ZNF318: variants seen among roughly 807,000 people sequenced by gnomAD.
ZNF318 encodes zinc finger protein 318.
Under a neutral mutation model 124.2 loss-of-function variants are expected in ZNF318, and 51 were observed. The ratio of observed to expected loss-of-function variants is 0.41; its 90% CI spans 0.33 to 0.52. ZNF318 has a LOEUF of 0.52. Ranked by LOEUF, ZNF318 falls within the 20% of genes least tolerant of loss-of-function variation. The pLI is 0.23. For missense variants in ZNF318, 2,815 were observed against 2,811.2 expected (o/e 1.00, Z -0.03); for synonymous variants, 1,090 against 1,040.7 (o/e 1.05, Z -0.91).
At chr6:43,347,748 A>T (rs1779466171) in intron 6 of ZNF318, among the ~76,000 whole-genome samples, 1 of 152,164 alleles carries the variant, frequency 6.6e-6, no homozygotes, top group African/African-American at 2.4e-5. Flanking sequence ...GACTGGATGA[A>T]ATGGCCTAGG....
At chr6:43,346,572 G>GT (rs1779450096) in intron 6 of ZNF318, among the ~76,000 whole-genome samples, 3 of 146,432 alleles carry the variant, frequency 2.0e-5, no homozygotes, top group South Asian at 2.1e-4. Flanking sequence ...GGAGACAGAC[G>GT]TAAGAAGAGT....
intron 4 of ZNF318, among the ~76,000 whole-genome samples, chr6:43,353,285 TAAGAG>T (rs1430402022): frequency 6.6e-6 from 1 of 152,066 alleles, no homozygotes; most frequent in Non-Finnish European, 1.5e-5. Flanking sequence ...AATAGAAACT[TAAGAG>T]AAGTGTTTTT....
Position 43,369,422 on chromosome 6 carries a change from G to A in ZNF318, c.-57C>T, listed in dbSNP as rs936951039. ...CTGACCCGGGGGCGCCCTAGACGCA[G>A]GCTCGGAGCGCGCCGCCGCAGCTGC... On this transcript the variant is annotated 5_prime_UTR_variant, in exon 1 of 10. Transcript: ENST00000361428. 7.8e-6 allele frequency: 9 copies of A among 1,150,396 alleles called. No individual in the cohort carries two copies. Among genetic ancestry groups the A allele is most frequent in the South Asian group, 4.2e-5 (1 of 24,042 alleles). The allele number at this position is 1,150,396 out of a possible 1,614,324, so 71.3% of individuals were successfully genotyped here.
rs531679558 is a variant in ZNF318 at position 43,337,206 on chromosome 6, A to G, written c.6792T>C (p.Thr2264=). ...TGTGGTCCTGGATGGCACCAACTGT[A>G]GTTTCCTGTTCAGGCATTCCCTGAG... ...MVPQGMPEQE[T]TVGAIQDHTE... is the part of the protein sequence containing the mutation. Residue 2264 remains threonine (T), a synonymous_variant, in exon 10 of 10, where the codon ACT becomes ACC. Coordinates refer to ENST00000361428, the MANE Select transcript of ZNF318 (RefSeq NM_014345.3). 5.6e-6 allele frequency: 9 copies of G among 1,613,492 alleles called. No individual in the cohort carries two copies. In the South Asian group the frequency reaches 9.9e-5, roughly 18 times the overall value.
rs780830118 is a variant in ZNF318 at position 43,354,963 on chromosome 6, AG to A, written c.2370del (p.Tyr791IlefsTer31). On this transcript the variant is annotated frameshift_variant, in exon 4 of 10. Coordinates refer to ENST00000361428, the MANE Select transcript of ZNF318 (RefSeq NM_014345.3). LOFTEE classifies it high-confidence loss of function. ...GCTGCATATGCCATGTAGTGCCTAT[AG>A]GCATCAAAAGAGGCAGGGGGAATGG... ...GPAIPPASFDAYRHYMAYAAS... is the reference protein window; with the variant it reads ...GPAIPPASFDXYRHYMAYAAS... The A allele has an allele frequency of 6.2e-7, 1 of 1,609,910 alleles. No homozygotes were observed. The highest frequency in any genetic ancestry group is 1.3e-5 in the African/African-American group (1 of 74,938).
intron 5 of ZNF318, among the ~76,000 whole-genome samples, chr6:43,350,735 G>C (rs1011524156): frequency 6.6e-6 from 1 of 151,972 alleles, no homozygotes; most frequent in Admixed American, 6.6e-5. Context: ...ACCTGAGCCA[G>C]GAAGCGAGGC....
chr6:43,364,027 G>A (rs951222981), intron 2 of ZNF318: 34 of 783,504 alleles, frequency 4.3e-5, no homozygotes, highest in South Asian at 1.7e-4. Flanking sequence ...CACTGGCATC[G>A]TCTCAGCCCG....
At chr6:43,362,462 TAAATAA>T (rs763535862) in intron 2 of ZNF318, among the ~76,000 whole-genome samples, 2 of 132,424 alleles carry the variant, frequency 1.5e-5, no homozygotes, top group Non-Finnish European at 3.3e-5. Flanking sequence ...AAAAAATAAA[TAAATAA>T]AAATAAAAAA....
rs1779801797 is a variant in ZNF318 at position 43,369,171 on chromosome 6, G to C, written c.195C>G (p.Gly65=). 1.7e-6 allele frequency: 2 copies of C among 1,208,714 alleles called. No homozygotes were observed. Among genetic ancestry groups the C allele is most frequent in the Non-Finnish European group, 2.1e-6 (2 of 973,712 alleles). The allele number at this position is 1,208,714 out of a possible 1,614,324, so 74.9% of individuals were successfully genotyped here. Residue 65 remains glycine, a synonymous_variant, in exon 1 of 10, where the codon GGC becomes GGG. Coordinates refer to ENST00000361428, the MANE Select transcript of ZNF318 (RefSeq NM_014345.3). ...GTGGCGGGGACGGCGAGGCCCGGCG[G>C]CCGCGGTGCCCTGAGGGCGAGCGGG... ...RRPRSPSGHR[G]RRASPSPPRG...
chr6:43,356,922 G>T (rs1779615523), intron 3 of ZNF318, among the ~76,000 whole-genome samples: 1 of 152,000 alleles, frequency 6.6e-6, no homozygotes, highest in Admixed American at 6.6e-5. Flanking sequence ...TTAATATAAA[G>T]CCTAATATAC....
At chr6:43,365,176 G>A in intron 2 of ZNF318, 116 bp downstream of exon 2, 1 of 1,135,510 alleles carries the variant, frequency 8.8e-7, no homozygotes, top group Non-Finnish European at 1.2e-6. Flanking sequence ...CTGGACATGT[G>A]GCATAGGAAA....
At chr6:43,340,606 T>G in intron 9 of ZNF318, 104 bp from the exon 10 acceptor site, 1 of 1,495,686 alleles carries the variant, frequency 6.7e-7, no homozygotes, top group Non-Finnish European at 8.8e-7. Flanking sequence ...TCCCCAGAAT[T>G]ATCTTCCTCA....
intron 6 of ZNF318, among the ~76,000 whole-genome samples, chr6:43,344,741 C>A (rs755872501): frequency 6.6e-6 from 1 of 152,008 alleles, no homozygotes. Flanking sequence ...CATATCTAGA[C>A]CAGTTCCTGA....
chr6:43,340,123 G>A lies in ZNF318; in HGVS notation c.3875C>T (p.Thr1292Ile), dbSNP rs10948072. 0.11 allele frequency: 175,496 copies of A among 1,613,944 alleles called. 11,697 individuals are homozygous for A. The highest frequency in any genetic ancestry group is 0.29 in the African/African-American group (22,017 of 74,938). The change falls in exon 10 of 10, where the codon ACC becomes ATC. Residue 1292 changes from threonine (T) to isoleucine (I), a missense_variant. By Grantham distance (89) the Thr-to-Ile change is moderately conservative (BLOSUM62 -1). This residue lies in a region of ZNF318 where 500 missense variants were observed against 605.2 expected (regional missense o/e 0.83). Coordinates refer to ENST00000361428, the MANE Select transcript of ZNF318 (RefSeq NM_014345.3). ...AATCTCTTCTTTAGAGATACTTGGG[G>A]TCACCAATGAACTTTTCTCCTCTTC... ...EKEEEKSSLV[T>I]PSISKEEILE... is the part of the protein sequence containing the mutation.
Position 43,357,624 on chromosome 6 carries a change from G to A in ZNF318, c.690C>T (p.Phe230=). The A allele has an allele frequency of 1.9e-6, 3 of 1,614,120 alleles. No individual in the cohort carries two copies. Among genetic ancestry groups the A allele is most frequent in the Non-Finnish European group, 2.5e-6 (3 of 1,180,036 alleles). The change falls in exon 3 of 10, where the codon TTC becomes TTT. Residue 230 remains phenylalanine, a synonymous_variant. Transcript: ENST00000361428. ...GGGGACTATAATCAGATCGATGCAG[G>A]AAAGTTTCTTTTGTTCGGTAGTCCT... The part of the protein sequence containing the change: ...LDEDYRTKET[F]LHRSDYSPHI...
intron 5 of ZNF318, 29 bp downstream of exon 5, chr6:43,352,348 A>G (rs200891033): frequency 1.4e-6 from 2 of 1,473,684 alleles, no homozygotes; most frequent in East Asian, 2.6e-5. Flanking sequence ...AGTTATTACA[A>G]AAAGGCAGTC....
chr6:43,362,396 T>C (rs1298481154), intron 2 of ZNF318, among the ~76,000 whole-genome samples: 4 of 151,570 alleles, frequency 2.6e-5, no homozygotes, highest in Admixed American at 6.6e-5. Context: ...GAGGTTGCAG[T>C]GAGCCGAGAT....
rs1779578579 is a variant in ZNF318, at chr6:43,354,694, A to C, written c.2640T>G (p.Asp880Glu). Residue 880 changes from aspartate (D) to glutamate (E), a missense_variant, in exon 4 of 10, where the codon GAT (aspartate) becomes GAG (glutamate). This residue lies in a region of ZNF318 where 1,377 missense variants were observed against 1,353.5 expected (regional missense o/e 1.02). Transcript: ENST00000361428. ...LIRYNPEKIS[D>E]EKNRASQKQK... Reference sequence around the variant, plus strand: ...GCTTCTGGGAAGCACGGTTCTTCTCATCAGAGATCTTCTCTGGATTATATC... The same window carrying C: ...GCTTCTGGGAAGCACGGTTCTTCTCCTCAGAGATCTTCTCTGGATTATATC... 1.2e-6 allele frequency: 2 copies of C among 1,612,556 alleles called. No homozygotes were observed. Among genetic ancestry groups the C allele is most frequent in the Non-Finnish European group, 1.7e-6 (2 of 1,179,360 alleles).
rs749961788 is a variant in ZNF318 at position 43,354,860 on chromosome 6, G to C, written c.2474C>G (p.Thr825Ser). ...VPEPHRIMPI[T>S]KQATRSRPNL... The stretch of plus-strand genomic sequence containing the variant: ...GGGACGGCTACGAGTAGCTTGTTTG[G>C]TTATTGGCATTATCCTGTGTGGTTC... Residue 825 changes from threonine (T) to serine (S), a missense_variant, in exon 4 of 10, where the codon ACC (threonine) becomes AGC (serine). Transcript: ENST00000361428. 1.2e-6 allele frequency: 2 copies of C among 1,614,186 alleles called. No individual in the cohort carries two copies. The highest frequency in any genetic ancestry group is 2.2e-5 in the East Asian group (1 of 44,886).
Sources: gnomAD v4.1 joint callset for allele counts (sites outside exome capture counted in the v4.1 genomes callset) on GRCh38, gnomAD v4.1.1 for gene constraint, gnomAD v4.1.1 regional missense constraint, MANE v1.5 for transcripts, NCBI Gene and HGNC (gene_info 2026-07-23, HGNC 2026-07-21) for gene names.